The following EXTL3 variants were observed in gnomAD, a reference collection of about 807,000 sequenced individuals.
EXTL3 encodes the protein exostosin-like 3.
Under a neutral mutation model 69.3 loss-of-function variants are expected in EXTL3, and 27 were observed. That is an observed-to-expected ratio of 0.39 (90% CI 0.29 to 0.54). The LOEUF (loss-of-function observed/expected upper bound fraction) is 0.54, where lower values mean the gene tolerates loss of function less well. Ranked by LOEUF, EXTL3 falls within the 20% of genes least tolerant of loss-of-function variation. The pLI is 0.69. For synonymous variants in EXTL3, 511 were observed against 499.4 expected (o/e 1.02, Z -0.31); for missense variants, 1,003 against 1,231.8 (o/e 0.81, Z 2.78).
chr8:28,735,554 T>C (rs567608411), intron 4 of EXTL3, among the ~76,000 whole-genome samples: 2 of 152,340 alleles, frequency 1.3e-5, no homozygotes, highest in Non-Finnish European at 2.9e-5. Flanking sequence ...TGGTGAATTA[T>C]CATTGCTGTC....
At chr8:28,654,906 G>A (rs1338245216) in intron 1 of EXTL3, among the ~76,000 whole-genome samples, 7 of 152,140 alleles carry the variant, frequency 4.6e-5, no homozygotes, top group Admixed American at 3.3e-4. Flanking sequence ...GGCAAACAGA[G>A]AACTATTATT....
chr8:28,742,239 AATTT>A (rs1426630562), intron 5 of EXTL3: 2 of 152,172 alleles, frequency 1.3e-5, no homozygotes, highest in Non-Finnish European at 2.9e-5. Flanking sequence ...ATATAATTTT[AATTT>A]ATTTAATTTG....
At chr8:28,626,798 G>A (rs188685611) in intron 1 of EXTL3, among the ~76,000 whole-genome samples, 9 of 152,270 alleles carry the variant, frequency 5.9e-5, no homozygotes, top group Non-Finnish European at 1.3e-4. Flanking sequence ...ACTGAGGTGG[G>A]ACAGCCCTTC....
intron 4 of EXTL3, 72 bp from the exon 5 acceptor site, chr8:28,737,447 A>G (rs943898806): frequency 6.5e-7 from 1 of 1,539,270 alleles, no homozygotes; most frequent in African/African-American, 1.4e-5. Context: ...AGGTGGAGGC[A>G]ATAACTGTGA....
Position 28,717,188 on chromosome 8 carries a change from G to A in EXTL3, c.1129G>A (p.Asp377Asn). Residue 377 changes from aspartate (D) to asparagine (N), a missense_variant, in exon 3 of 7, where the codon GAC becomes AAC. This residue lies in a region of EXTL3 where 742 missense variants were observed against 815.4 expected (regional missense o/e 0.91). Coordinates refer to ENST00000220562, the MANE Select transcript of EXTL3 (RefSeq NM_001440.4). This position sits in a 1 kb window ranked among gnomAD's most constrained non-coding sequence, Gnocchi z 8.3. The stretch of plus-strand genomic sequence containing the variant: ...GGGCGACCCTCCCGCCGACTACGAT[G>A]ACCGGATCATTGCCACCCTGAAGGC... ...MEGDPPADYDDRIIATLKAVQ... is the reference protein window; with the variant it reads ...MEGDPPADYDNRIIATLKAVQ... 6.2e-7 allele frequency: 1 copy of A among 1,614,220 alleles called. No homozygotes were observed. The highest frequency in any genetic ancestry group is 8.5e-7 in the Non-Finnish European group (1 of 1,180,050).
rs754024716 is a variant in EXTL3 at position 28,716,219 on chromosome 8, C to G, written c.160C>G (p.Leu54Val). 6.2e-7 allele frequency: 1 copy of G among 1,614,250 alleles called. No individual in the cohort carries two copies. ...PLIAHYYLTTLDEADEAGKRI... is the reference protein window; with the variant it reads ...PLIAHYYLTTVDEADEAGKRI... ...CATCGCCCACTATTACCTCACCACT[C>G]TGGATGAGGCTGATGAGGCAGGCAA... The change falls in exon 3 of 7, where the codon CTG becomes GTG. Residue 54 changes from leucine (L) to valine (V), a missense_variant. Leu to Val is a conservative substitution (Grantham distance 32). Around this residue, in one of 2 missense-constraint regions of EXTL3, gnomAD observed 742 missense variants for 815.4 expected, o/e 0.91. Coordinates refer to ENST00000220562, the MANE Select transcript of EXTL3 (RefSeq NM_001440.4). This position sits in a 1 kb window ranked among gnomAD's most constrained non-coding sequence, Gnocchi z 7.1.
intron 1 of EXTL3, among the ~76,000 whole-genome samples, chr8:28,711,993 A>C (rs1453631241): frequency 6.6e-6 from 1 of 152,170 alleles, no homozygotes; most frequent in Non-Finnish European, 1.5e-5. Flanking sequence ...TCCAAACACA[A>C]AGGGTTCCTC....
At chr8:28,722,295 A>G (rs1003282517) in intron 3 of EXTL3, among the ~76,000 whole-genome samples, 12 of 152,122 alleles carry the variant, frequency 7.9e-5, no homozygotes, top group Non-Finnish European at 2.9e-5. Context: ...GAGGGTGTTG[A>G]GCAGAGGAGG....
upstream of EXTL3, among the ~76,000 whole-genome samples, chr8:28,699,140 A>G (rs1800732164): frequency 6.6e-6 from 1 of 152,138 alleles, no homozygotes; most frequent in Non-Finnish European, 1.5e-5. Context: ...CTGCACTACT[A>G]CACTCCAGTG....
intron 1 of EXTL3, among the ~76,000 whole-genome samples, chr8:28,626,719 A>G (rs146146307): frequency 2.6e-4 from 39 of 152,304 alleles, no homozygotes; most frequent in Admixed American, 5.9e-4. Context: ...CAGAGGCACA[A>G]TCAGCTCCAG....
intron 2 of EXTL3, among the ~76,000 whole-genome samples, chr8:28,616,592 A>T (rs183021546): frequency 2.9e-3 from 439 of 151,402 alleles, no homozygotes; most frequent in Admixed American, 5.4e-3. Flanking sequence ...ATGCCACTGC[A>T]CTCCAGCCTG....
chr8:28,718,798 T>C (rs1167309394), intron 3 of EXTL3, among the ~76,000 whole-genome samples: 12 of 152,224 alleles, frequency 7.9e-5, no homozygotes, highest in African/African-American at 4.8e-5. Context: ...GGGTTTGATA[T>C]TTTGGAGTTG....
intron 1 of EXTL3, among the ~76,000 whole-genome samples, chr8:28,650,188 T>C (rs1416793228): frequency 7.2e-6 from 1 of 139,172 alleles, no homozygotes; most frequent in Non-Finnish European, 1.5e-5. Flanking sequence ...AGAGTGAGAC[T>C]CTGTCTCAGG....
chr8:28,689,044 G>C (rs1235280234), intron 1 of EXTL3, among the ~76,000 whole-genome samples: 1 of 152,156 alleles, frequency 6.6e-6, no homozygotes, highest in East Asian at 1.9e-4. Flanking sequence ...CCTTCTTATG[G>C]TTTCTTTGGC....
chr8:28,683,532 T>G (rs968402279), intron 1 of EXTL3, among the ~76,000 whole-genome samples: 35 of 152,298 alleles, frequency 2.3e-4, no homozygotes, highest in African/African-American at 7.0e-4. Flanking sequence ...TTATTGCTGT[T>G]GGCCGGGTGA....
At chr8:28,737,497 G>A (rs754831873) in intron 4 of EXTL3, 22 bp from the exon 5 acceptor site, 21 of 1,613,776 alleles carry the variant, frequency 1.3e-5, no homozygotes, top group African/African-American at 4.0e-5. Context: ...TCAGGTCTGT[G>A]TATGCACTTG....
intron 1 of EXTL3, among the ~76,000 whole-genome samples, chr8:28,670,571 A>G (rs1285891330): frequency 6.6e-6 from 1 of 152,206 alleles, no homozygotes; most frequent in African/African-American, 2.4e-5. Context: ...GTCTCAGTTC[A>G]AGTCAGAAGG....
intron 1 of EXTL3, among the ~76,000 whole-genome samples, chr8:28,641,146 C>A (rs1806736405): frequency 6.6e-6 from 1 of 152,194 alleles, no homozygotes; most frequent in Non-Finnish European, 1.5e-5. Context: ...CCAGATATTA[C>A]ACATTGTATT....
rs1171379672 is a variant in EXTL3, at chr8:28,662,927, A to G, written c.-53+40117A>G. Among the ~76,000 whole-genome samples the G allele has an allele frequency of 2.0e-5, 3 of 152,318 alleles. No homozygotes were observed. In the South Asian group the frequency reaches 6.2e-4, roughly 32 times the overall value. ...AACCACGATTGTGCCACTGCACTCTAGCCTGGAAGACAGAGTGAAACCCTG... is the reference window on the plus strand; with the variant it reads ...AACCACGATTGTGCCACTGCACTCTGGCCTGGAAGACAGAGTGAAACCCTG... On this transcript the variant is annotated intron_variant, in intron 1 of 6. Transcript: ENST00000523149.
Sources: gnomAD v4.1 joint callset for allele counts (sites outside exome capture counted in the v4.1 genomes callset) on GRCh38, gnomAD v4.1.1 for gene constraint, gnomAD v4.1.1 regional missense constraint, Gnocchi (gnomAD v3.1) non-coding constraint, MANE v1.5 for transcripts, NCBI Gene and HGNC (gene_info 2026-07-23, HGNC 2026-07-21) for gene names.